Variants in ATN1 observed in about 807,000 individuals in gnomAD.
The protein encoded by ATN1 is atrophin 1, also known as atrophin-1.
ATN1 carries 19 observed loss-of-function variants against 85.8 expected under a neutral mutation model. The ratio of observed to expected loss-of-function variants is 0.22; its 90% CI spans 0.15 to 0.32. ATN1 has a LOEUF of 0.32. Among genes scored for constraint, ATN1 ranks in the 10% least tolerant of loss-of-function variants. ATN1 has a pLI of 1.00. For missense variants in ATN1, 1,453 were observed against 1,564.5 expected (o/e 0.93, Z 1.20); for synonymous variants, 674 against 657.0 (o/e 1.03, Z -0.39).
In ATN1 at chr12:6,935,412, G is replaced by A. The variant is rs1227490306; in HGVS notation, c.280-135G>A. 2 of 968,202 alleles carry A rather than the reference G, an allele frequency of 2.1e-6. No homozygotes were observed. Among genetic ancestry groups the A allele is most frequent in the African/African-American group, 3.3e-5 (2 of 60,856 alleles). 60.0% of individuals were successfully genotyped at this position (968,202 alleles called of 1,614,324 possible). ...AGAAATCCCCAGATGGTAAGAGGTG[G>A]GCTTGAGCAAGAGTACTCACCACAT... On this transcript the variant is annotated intron_variant, in intron 4 of 9. Transcript: ENST00000396684. The surrounding 1 kb of genome is among the most constrained non-coding windows in gnomAD (Gnocchi z 5.3).
At position 6,935,147 on chromosome 12, in the gene ATN1, C is replaced by T. The variant is rs1014516982; in HGVS notation, c.280-400C>T. 6.6e-6 allele frequency among the ~76,000 whole-genome samples: 1 copy of T among 152,156 alleles called. No homozygotes were observed. Among genetic ancestry groups the T allele is most frequent in the Non-Finnish European group, 1.5e-5 (1 of 68,038 alleles). ...AAGTGATCCGCCCGCTTCAGCTTCC[C>T]AAAGTGCTGGGATTACAGGTGTAAG... On this transcript the variant is annotated intron_variant, in intron 4 of 9. Transcript: ENST00000396684. This position sits in a 1 kb window ranked among gnomAD's most constrained non-coding sequence, Gnocchi z 5.3.
At chr12:6,932,898 A>G (rs1215172232) in intron 1 of ATN1, among the ~76,000 whole-genome samples, 1 of 152,230 alleles carries the variant, frequency 6.6e-6, no homozygotes, top group Non-Finnish European at 1.5e-5. Flanking sequence ...GATTCTTTTC[A>G]TATCTCTGTG....
At position 6,938,607 on chromosome 12, in the gene ATN1, G is replaced by T; in HGVS notation, c.2644G>T (p.Ala882Ser). ...CCCCTACCTGGGTCCTGACACTCCA[G>T]CCTTGCGCACTCTCAGTGAATATGC... ...VPPYLGPDTPALRTLSEYARP... is the reference protein window; with the variant it reads ...VPPYLGPDTPSLRTLSEYARP... The change falls in exon 7 of 10, where the codon GCC (alanine) becomes TCC (serine). Residue 882 changes from alanine (A) to serine (S), a missense_variant. Ala to Ser is a moderately conservative substitution (Grantham distance 99). Around this residue, in one of 6 missense-constraint regions of ATN1, gnomAD observed 208 missense variants for 263.4 expected, o/e 0.79. Coordinates refer to ENST00000396684, the MANE Select transcript of ATN1 (RefSeq NM_001940.4). 1.2e-6 allele frequency: 2 copies of T among 1,614,244 alleles called. No individual in the cohort carries two copies. The highest frequency in any genetic ancestry group is 1.7e-6 in the Non-Finnish European group (2 of 1,180,036).
In ATN1 at chr12:6,937,057, C is replaced by G. The variant is rs782778482; in HGVS notation, c.1790C>G (p.Ala597Gly). 1.9e-6 allele frequency: 3 copies of G among 1,613,806 alleles called. No individual in the cohort carries two copies. Among genetic ancestry groups the G allele is most frequent in the Non-Finnish European group, 2.5e-6 (3 of 1,180,020 alleles). ...TCCCCTTCCCAGGGCCCTCAAGGGG[C>G]GCCCTACCCTTTCCCACCGGTGCCT... ...HPSPSQGPQG[A>G]PYPFPPVPTV... Residue 597 changes from alanine (A) to glycine (G), a missense_variant, in exon 5 of 10, where the codon GCG (alanine) becomes GGG (glycine). This residue lies in a region of ATN1 where 990 missense variants were observed against 914.8 expected (regional missense o/e 1.08). Transcript: ENST00000396684. This position sits in a 1 kb window ranked among gnomAD's most constrained non-coding sequence, Gnocchi z 6.0.
At position 6,942,170 on chromosome 12, in the gene ATN1, C is replaced by T. The variant is rs782206375; in HGVS notation, c.*390C>T. 27 of 261,798 alleles carry T rather than the reference C, an allele frequency of 1.0e-4. No individual in the cohort carries two copies. The highest frequency in any genetic ancestry group is 3.1e-4 in the South Asian group (6 of 19,114). The allele number at this position is 261,798 out of a possible 1,614,324, so 16.2% of individuals were successfully genotyped here. On this transcript the variant is annotated 3_prime_UTR_variant, in exon 10 of 10. Coordinates refer to ENST00000396684, the MANE Select transcript of ATN1 (RefSeq NM_001940.4). ...ATCGTGTGCCACCCCTGCCCCTCCC[C>T]GATCCCTGTGTGCGCGCCCCCTCTG...
Position 6,934,441 on chromosome 12 carries a change from G to A in ATN1, c.166-24G>A. The A allele has an allele frequency of 1.3e-6, 2 of 1,599,038 alleles. No individual in the cohort carries two copies. Among genetic ancestry groups the A allele is most frequent in the Middle Eastern group, 1.7e-4 (1 of 6,012 alleles). On this transcript the variant is annotated intron_variant, in intron 3 of 9. Transcript: ENST00000396684. This position sits in a 1 kb window ranked among gnomAD's most constrained non-coding sequence, Gnocchi z 4.5. The stretch of plus-strand genomic sequence containing the variant: ...AGCTCGGGAGGTAGGGAAAAGACAG[G>A]AATTTTCTCTTTCTCTCTAACAGAA...
At position 6,938,775 on chromosome 12, in the gene ATN1, C is replaced by T. The variant is rs782292600; in HGVS notation, c.2812C>T (p.Arg938Cys). 6.2e-7 allele frequency: 1 copy of T among 1,614,060 alleles called. No homozygotes were observed. Among genetic ancestry groups the T allele is most frequent in the South Asian group, 1.1e-5 (1 of 91,084 alleles). The change falls in exon 7 of 10, where the codon CGT becomes TGT. Residue 938 changes from arginine to cysteine, a missense_variant. This residue lies in a region of ATN1 where 208 missense variants were observed against 263.4 expected (regional missense o/e 0.79). Transcript: ENST00000396684. The part of the protein sequence containing the change: ...PAAREREREA[R>C]ERDLRDRLKP... ...TGCCCGGGAGAGGGAACGGGAAGCC[C>T]GTGAACGAGACCTCCGTGACCGCCT...
Position 6,941,777 on chromosome 12 carries a change from G to C in ATN1, c.3570G>C (p.Leu1190=), listed in dbSNP as rs782347203. 1 of 1,614,092 alleles carries C rather than the reference G, an allele frequency of 6.2e-7. No individual in the cohort carries two copies. Among genetic ancestry groups the C allele is most frequent in the Non-Finnish European group, 8.5e-7 (1 of 1,179,936 alleles). ...TGAAGAAGGAAAGCGACAAGCCACT[G>C]TAGAACCTGCGATCAAGAGAGCACC... ...SHLKKESDKP[L] Residue 1190 remains leucine (L), a synonymous_variant, in exon 10 of 10, where the codon CTG becomes CTC. Coordinates refer to ENST00000396684, the MANE Select transcript of ATN1 (RefSeq NM_001940.4). This position sits in a 1 kb window ranked among gnomAD's most constrained non-coding sequence, Gnocchi z 5.9.
chr12:6,936,011 TG>T lies in ATN1; in HGVS notation c.749del (p.Gly250ValfsTer48). The stretch of plus-strand genomic sequence containing the variant: ...CTGCCTCATCAGTGGGGGGCCCTAA[TG>T]GGGGTAAGCAGCACCCCCCACCCAC... Reference protein sequence around the residue: ...GAASSVGGPNGGKQHPPPTTP... With the variant: ...GAASSVGGPNXGKQHPPPTTP... On this transcript the variant is annotated frameshift_variant, in exon 5 of 10. Transcript: ENST00000396684. LOFTEE classifies it high-confidence loss of function. The T allele has an allele frequency of 1.3e-6, 2 of 1,588,066 alleles. No homozygotes were observed. Among genetic ancestry groups the T allele is most frequent in the Non-Finnish European group, 1.7e-6 (2 of 1,167,066 alleles).
chr12:6,937,532 T>G lies in ATN1; in HGVS notation c.2265T>G (p.Asp755Glu), dbSNP rs782125819. The G allele has an allele frequency of 2.0e-6, 3 of 1,528,222 alleles. No homozygotes were observed. The South Asian group carries it at 3.6e-5, about 18-fold the overall frequency. The allele number at this position is 1,528,222 out of a possible 1,614,324, so 94.7% of individuals were successfully genotyped here. A position where few individuals can be genotyped will look rare whatever the true frequency, so the allele number is the denominator to read the frequency against. ...RSPSPPPKVVDVPSHASQSAR... is the reference protein window; with the variant it reads ...RSPSPPPKVVEVPSHASQSAR... ...CCTCGCCCCCTCCCAAGGTGGTAGA[T>G]GTACCCAGCCATGCCAGTCAGTCTG... Residue 755 changes from aspartate (D) to glutamate (E), a missense_variant, in exon 5 of 10, where the codon GAT (aspartate) becomes GAG (glutamate). Coordinates refer to ENST00000396684, the MANE Select transcript of ATN1 (RefSeq NM_001940.4). This position sits in a 1 kb window ranked among gnomAD's most constrained non-coding sequence, Gnocchi z 6.0.
chr12:6,936,267 G>C lies in ATN1; in HGVS notation c.1000G>C (p.Ala334Pro). 1 of 1,611,450 alleles carries C rather than the reference G, an allele frequency of 6.2e-7. No individual in the cohort carries two copies. Among genetic ancestry groups the C allele is most frequent in the South Asian group, 1.1e-5 (1 of 90,914 alleles). ...ACCTGGTCATCTGCCCTCTCCCCACGCCATGGGACAGGGTATGGGTGGACT... is the reference window on the plus strand; with the variant it reads ...ACCTGGTCATCTGCCCTCTCCCCACCCCATGGGACAGGGTATGGGTGGACT... ...PLPGHLPSPH[A>P]MGQGMGGLPP... The change falls in exon 5 of 10, where the codon GCC (alanine) becomes CCC (proline). Residue 334 changes from alanine (A) to proline (P), a missense_variant. Physicochemically the swap from Ala to Pro is conservative, Grantham distance 27. This residue lies in a region of ATN1 where 990 missense variants were observed against 914.8 expected (regional missense o/e 1.08). Coordinates refer to ENST00000396684, the MANE Select transcript of ATN1 (RefSeq NM_001940.4).
intron 7 of ATN1, among the ~76,000 whole-genome samples, chr12:6,939,477 T>C (rs1555144391): frequency 6.6e-6 from 1 of 152,168 alleles, no homozygotes; most frequent in Admixed American, 6.5e-5. Flanking sequence ...ACAGCCCCAT[T>C]CTCCCAAGCC....
Position 6,936,655 on chromosome 12 carries a change from C to T in ATN1, c.1388C>T (p.Pro463Leu), listed in dbSNP as rs1945537875. The T allele has an allele frequency of 7.4e-6, 12 of 1,613,840 alleles. No homozygotes were observed. The highest frequency in any genetic ancestry group is 1.0e-5 in the Non-Finnish European group (12 of 1,179,962). The stretch of plus-strand genomic sequence containing the variant: ...AGCAATGCCCATCCAGGCCCCTTCC[C>T]TCCCTCTACTGGGGCCCAGTCCACC... ...ANSNAHPGPF[P>L]PSTGAQSTAH... is the part of the protein sequence containing the mutation. Residue 463 changes from proline to leucine, a missense_variant, in exon 5 of 10, where the codon CCT becomes CTT. Physicochemically the swap from Pro to Leu is moderately conservative, Grantham distance 98. This residue lies in a region of ATN1 where 990 missense variants were observed against 914.8 expected (regional missense o/e 1.08). Coordinates refer to ENST00000396684, the MANE Select transcript of ATN1 (RefSeq NM_001940.4).
Position 6,938,517 on chromosome 12 carries a change from C to A in ATN1, c.2554C>A (p.Pro852Thr). 1 of 1,612,602 alleles carries A rather than the reference C, an allele frequency of 6.2e-7. No homozygotes were observed. Among genetic ancestry groups the A allele is most frequent in the Non-Finnish European group, 8.5e-7 (1 of 1,178,748 alleles). ...AQEGRAPVEC[P>T]SLGPVPHRPP... is the part of the protein sequence containing the mutation. The stretch of plus-strand genomic sequence containing the variant: ...GGAGGGCCGTGCTCCGGTGGAATGC[C>A]CATCTCTGGGCCCAGTGCCCCATCG... Residue 852 changes from proline (P) to threonine (T), a missense_variant, in exon 7 of 10, where the codon CCA becomes ACA. Physicochemically the swap from Pro to Thr is conservative, Grantham distance 38. This residue lies in a region of ATN1 where 990 missense variants were observed against 914.8 expected (regional missense o/e 1.08). Transcript: ENST00000396684.
intron 1 of ATN1, 25 bp downstream of exon 1, chr12:6,928,409 C>T (rs1945423165): frequency 6.6e-6 from 1 of 151,850 alleles, no homozygotes; most frequent in Non-Finnish European, 1.5e-5. Context: ...CGCCTGGGCC[C>T]CGGGCCCGCG....
In ATN1 at chr12:6,937,306, C is replaced by G. The variant is rs1434544597; in HGVS notation, c.2039C>G (p.Ala680Gly). Reference sequence around the variant, plus strand: ...GGCTATCGAGGAACCTCGCCACCTGCAGGCCCAGGGACCTTCAAGCCGGGC... The same window carrying G: ...GGCTATCGAGGAACCTCGCCACCTGGAGGCCCAGGGACCTTCAAGCCGGGC... ...PPGYRGTSPP[A>G]GPGTFKPGSP... Residue 680 changes from alanine to glycine, a missense_variant, in exon 5 of 10, where the codon GCA becomes GGA. This residue lies in a region of ATN1 where 990 missense variants were observed against 914.8 expected (regional missense o/e 1.08). Coordinates refer to ENST00000396684, the MANE Select transcript of ATN1 (RefSeq NM_001940.4). This position sits in a 1 kb window ranked among gnomAD's most constrained non-coding sequence, Gnocchi z 6.0. 22 of 1,587,536 alleles carry G rather than the reference C, an allele frequency of 1.4e-5. No individual in the cohort carries two copies. The highest frequency in any genetic ancestry group is 1.8e-5 in the Non-Finnish European group (21 of 1,168,172).
At position 6,939,024 on chromosome 12, in the gene ATN1, C is replaced by T. The variant is rs781903065; in HGVS notation, c.3061C>T (p.Leu1021=). Residue 1021 remains leucine (L), a synonymous_variant, in exon 7 of 10, where the codon CTG becomes TTG. Transcript: ENST00000396684. ...LRPDMSYAER[L]AAERQHAERV... ...GCCTGACATGTCCTATGCTGAGCGG[C>T]TGGCAGCTGAGAGGCAGCACGCAGA... 1 of 1,610,678 alleles carries T rather than the reference C, an allele frequency of 6.2e-7. No individual in the cohort carries two copies. The highest frequency in any genetic ancestry group is 1.7e-5 in the Admixed American group (1 of 60,034).
chr12:6,938,411 G>C (rs1555144197), intron 6 of ATN1, 70 bp from the exon 7 acceptor site: 2 of 1,499,910 alleles, frequency 1.3e-6, no homozygotes, highest in East Asian at 4.8e-5. Context: ...CGAAACAAAT[G>C]GGCAGCTTAA....
Position 6,935,851 on chromosome 12 carries a change from A to C in ATN1, c.584A>C (p.His195Pro). The part of the protein sequence containing the change: ...PHPSVTPTGY[H>P]APMEPPTSRM... ...CCTTCTGTGACACCCACTGGATATCATGCTCCCATGGAGCCCCCCACATCT... is the reference window on the plus strand; with the variant it reads ...CCTTCTGTGACACCCACTGGATATCCTGCTCCCATGGAGCCCCCCACATCT... Residue 195 changes from histidine to proline, a missense_variant, in exon 5 of 10, where the codon CAT (histidine) becomes CCT (proline). This residue lies in a region of ATN1 where 990 missense variants were observed against 914.8 expected (regional missense o/e 1.08). Transcript: ENST00000396684. The surrounding 1 kb of genome is among the most constrained non-coding windows in gnomAD (Gnocchi z 5.3). The C allele has an allele frequency of 6.2e-7, 1 of 1,613,486 alleles. No individual in the cohort carries two copies. The highest frequency in any genetic ancestry group is 1.7e-5 in the Admixed American group (1 of 59,956).
Sources: gnomAD v4.1 joint callset for allele counts (sites outside exome capture counted in the v4.1 genomes callset) on GRCh38, gnomAD v4.1.1 for gene constraint, gnomAD v4.1.1 regional missense constraint, Gnocchi (gnomAD v3.1) non-coding constraint, MANE v1.5 for transcripts, NCBI Gene and HGNC (gene_info 2026-07-23, HGNC 2026-07-21) for gene names.